Variants in MARCHF1 observed in about 807,000 individuals in gnomAD.
The protein encoded by MARCHF1 is membrane associated ring-CH-type finger 1.
MARCHF1 carries 40 observed loss-of-function variants against 54.2 expected under a neutral mutation model. The ratio of observed to expected loss-of-function variants is 0.74; its 90% confidence interval spans 0.57 to 0.96. The LOEUF (loss-of-function observed/expected upper bound fraction) is 0.96. Ranked by LOEUF, MARCHF1 falls within the 40% of genes least tolerant of loss-of-function variation. The pLI, the probability that MARCHF1 is intolerant of heterozygous loss-of-function variation, is 0.00. For missense variants in MARCHF1, 586 were observed against 656.5 expected, an observed-to-expected ratio of 0.89 and a Z score of 1.17; for synonymous variants, 236 against 236.3, an observed-to-expected ratio of 1.00 and a Z score of 0.01.
At chr4:164,246,921 C>G (rs1732965124) in intron 1 of MARCHF1, among the ~76,000 whole-genome samples, 1 of 102,488 alleles carries the variant, frequency 9.8e-6, no homozygotes, top group Non-Finnish European at 2.0e-5. Context: ...CATCTCACAC[C>G]AGTTAGAATG....
rs546218700 is a variant in MARCHF1, at chr4:163,887,613, T to C, written c.-38-33444A>G. On this transcript the variant is annotated intron_variant, in intron 3 of 9. Transcript: ENST00000514618. Reference sequence around the variant, plus strand: ...CATGAAAGTTTGAGAAGTATTGTCCTAGAATATGTACTTACGAAGAGAGTG... The same window carrying C: ...CATGAAAGTTTGAGAAGTATTGTCCCAGAATATGTACTTACGAAGAGAGTG... 2.6e-5 allele frequency among the ~76,000 whole-genome samples: 4 copies of C among 152,278 alleles called. No individual in the cohort carries two copies. In the East Asian group the frequency reaches 7.7e-4, roughly 29 times the overall value.
intron 1 of MARCHF1, among the ~76,000 whole-genome samples, chr4:164,204,482 T>C (rs1731551505): frequency 6.6e-6 from 1 of 152,214 alleles, no homozygotes. Flanking sequence ...GCTTTTTACA[T>C]TGTGTGAGTC....
At chr4:164,003,344 CTT>C (rs1180768233) in intron 2 of MARCHF1, among the ~76,000 whole-genome samples, 7 of 151,868 alleles carry the variant, frequency 4.6e-5, no homozygotes, top group Non-Finnish European at 8.8e-5. Context: ...AAGTCTTACA[CTT>C]ATATTAAATG....
At chr4:163,621,936 C>T (rs780014104) in intron 5 of MARCHF1, among the ~76,000 whole-genome samples, 1 of 152,102 alleles carries the variant, frequency 6.6e-6, no homozygotes, top group Non-Finnish European at 1.5e-5. Flanking sequence ...TTCAGGCCAG[C>T]TTCTCAGCCA....
At chr4:163,773,532 T>C (rs1162736959) in intron 4 of MARCHF1, among the ~76,000 whole-genome samples, 3 of 152,158 alleles carry the variant, frequency 2.0e-5, no homozygotes, top group Admixed American at 6.5e-5. Context: ...ACCTTGCTAA[T>C]AGTGAAGACT....
At chr4:164,244,940 A>G (rs574470795) in intron 1 of MARCHF1, among the ~76,000 whole-genome samples, 2 of 152,298 alleles carry the variant, frequency 1.3e-5, no homozygotes, top group Non-Finnish European at 2.9e-5. Flanking sequence ...GACCAATAAC[A>G]GGAGCTGAAA....
At chr4:163,809,388 A>G (rs1298653179) in intron 4 of MARCHF1, among the ~76,000 whole-genome samples, 1 of 152,196 alleles carries the variant, frequency 6.6e-6, no homozygotes, top group African/African-American at 2.4e-5. Flanking sequence ...GCATTTTATA[A>G]TGGCATCTAT....
intron 1 of MARCHF1, among the ~76,000 whole-genome samples, chr4:164,267,112 T>G (rs1214833668): frequency 6.6e-6 from 1 of 152,094 alleles, no homozygotes; most frequent in Non-Finnish European, 1.5e-5. Context: ...GAGTACAATT[T>G]AGGAGAAGAA....
At chr4:164,063,786 A>G (rs189127350) in intron 2 of MARCHF1, among the ~76,000 whole-genome samples, 58 of 152,282 alleles carry the variant, frequency 3.8e-4, no homozygotes, top group Middle Eastern at 3.4e-3. Context: ...GTTATAGCAA[A>G]TATTTTTTCA....
chr4:164,194,851 G>C (rs183516648), intron 1 of MARCHF1, among the ~76,000 whole-genome samples: 20 of 151,928 alleles, frequency 1.3e-4, no homozygotes, highest in Admixed American at 1.3e-3. Flanking sequence ...ATGCAGGTTT[G>C]TTACATAGAT....
At chr4:164,239,675 A>G (rs778350617) in intron 1 of MARCHF1, among the ~76,000 whole-genome samples, 2 of 152,148 alleles carry the variant, frequency 1.3e-5, no homozygotes, top group African/African-American at 2.4e-5. Context: ...TGATGGACCC[A>G]TCAACATTTC....
intron 1 of MARCHF1, chr4:164,197,072 C>T (rs761726707): frequency 6.2e-7 from 1 of 1,606,576 alleles, no homozygotes; most frequent in East Asian, 2.2e-5. Context: ...CCATCTACCT[C>T]TCCATCGTTA....
At chr4:164,021,079 CTTTTTTTT>C (rs58872172) in intron 2 of MARCHF1, among the ~76,000 whole-genome samples, 1 of 141,684 alleles carries the variant, frequency 7.1e-6, no homozygotes. Flanking sequence ...ATTTCTGTCC[CTTTTTTTT>C]TTTTTTTTTT....
chr4:164,182,184 A>G (rs74996836), intron 1 of MARCHF1, among the ~76,000 whole-genome samples: 22,256 of 152,116 alleles, frequency 0.15, 2,202 homozygotes, highest in African/African-American at 0.26. Context: ...GGCTCCCTCT[A>G]GATCTCTGTG....
intron 1 of MARCHF1, among the ~76,000 whole-genome samples, chr4:164,165,272 A>T (rs1450825888): frequency 1.3e-5 from 2 of 152,048 alleles, no homozygotes; most frequent in East Asian, 3.8e-4. Context: ...TATAGAAATA[A>T]ATAAGTTTGA....
intron 1 of MARCHF1, among the ~76,000 whole-genome samples, chr4:164,306,819 T>C (rs1312580699): frequency 6.6e-6 from 1 of 152,184 alleles, no homozygotes; most frequent in Non-Finnish European, 1.5e-5. Context: ...AAATTTAGCC[T>C]CTTATACAAA....
At chr4:164,126,608 A>G (rs1756185906) in intron 1 of MARCHF1, among the ~76,000 whole-genome samples, 1 of 152,188 alleles carries the variant, frequency 6.6e-6, no homozygotes, top group African/African-American at 2.4e-5. Context: ...GAAAAACCCT[A>G]CCTTGCTCTG....
chr4:163,579,408 TTTG>T (rs1189635282), intron 8 of MARCHF1, among the ~76,000 whole-genome samples: 14 of 152,326 alleles, frequency 9.2e-5, no homozygotes, highest in African/African-American at 3.4e-4. Context: ...TTAATAATTT[TTTG>T]TTATTTTGTA....
At chr4:164,321,026 C>T (rs1030508730) in intron 1 of MARCHF1, among the ~76,000 whole-genome samples, 9 of 152,102 alleles carry the variant, frequency 5.9e-5, no homozygotes, top group Non-Finnish European at 1.2e-4. Context: ...TTGGTGAATA[C>T]AGGGGATCTG....
Sources: gnomAD v4.1 joint callset for allele counts (sites outside exome capture counted in the v4.1 genomes callset) on GRCh38, gnomAD v4.1.1 for gene constraint, MANE v1.5 for transcripts, NCBI Gene and HGNC (gene_info 2026-07-23, HGNC 2026-07-21) for gene names.